CFAP92: variants seen among roughly 807,000 people sequenced by gnomAD.
CFAP92 encodes cilia and flagella associated protein 92 (putative).
A neutral mutation model predicts 106.3 loss-of-function variants in CFAP92; 86 were observed. The observed-to-expected ratio is 0.81, with a 90% CI of 0.68 to 0.97. The LOEUF (loss-of-function observed/expected upper bound fraction) is 0.97. CFAP92 is among the 50% of genes least tolerant of loss of function. The pLI is 0.00. For missense variants in CFAP92, 1,204 were observed against 1,283.8 expected, an observed-to-expected ratio of 0.94 and a Z score of 0.95; for synonymous variants, 477 against 506.4, an observed-to-expected ratio of 0.94 and a Z score of 0.78.
intron 8 of CFAP92, chr3:128,968,291 C>T (rs1942532133): frequency 6.6e-6 from 1 of 152,166 alleles, no homozygotes; most frequent in Admixed American, 6.5e-5. Flanking sequence ...CATTCCCAGA[C>T]ACAGAATCTT....
the CFAP92 span, among the ~76,000 whole-genome samples, chr3:129,024,594 G>A: frequency 2.0e-5 from 3 of 152,146 alleles, no homozygotes; most frequent in African/African-American, 7.2e-5. Context: ...CTGGAGGCTG[G>A]GAAGTAAAGG....
intron 4 of CFAP92, among the ~76,000 whole-genome samples, chr3:128,985,935 G>A (rs955334831): frequency 3.3e-5 from 5 of 152,182 alleles, no homozygotes; most frequent in Non-Finnish European, 5.9e-5. Context: ...CAGCTAGTGG[G>A]TAGAGGCCAG....
At chr3:128,916,013 A>C in intron 13 of CFAP92, 94 bp downstream of exon 13, 1 of 881,118 alleles carries the variant, frequency 1.1e-6, no homozygotes, top group Non-Finnish European at 1.5e-6. Context: ...TCATCTGTAT[A>C]GTTGAGATCC....
In CFAP92 at chr3:128,910,097, T is replaced by TGTCGCGGGCCAGCCGCTCC. The variant is rs755346624; in HGVS notation, c.*183_*201dup. On this transcript the variant is annotated 3_prime_UTR_variant, in exon 16 of 16. Coordinates refer to ENST00000645291, the MANE Select transcript of CFAP92 (RefSeq NM_001394090.1). ...AACCTGTATGGCATGACGGCCGTGC[T>TGTCGCGGGCCAGCCGCTCC]GTCGCGGGCCAGCCGCTCCATCCGC... 9 of 1,613,866 alleles carry TGTCGCGGGCCAGCCGCTCC rather than the reference T, an allele frequency of 5.6e-6. No individual in the cohort carries two copies. The South Asian group carries it at 9.9e-5, about 18-fold the overall frequency.
chr3:128,959,265 T>G (rs1941681876), intron 9 of CFAP92, among the ~76,000 whole-genome samples: 1 of 152,018 alleles, frequency 6.6e-6, no homozygotes, highest in Non-Finnish European at 1.5e-5. Flanking sequence ...TATAAGCATT[T>G]GGAGAAACAA....
At chr3:128,912,158 A>AC (rs755795131) in intron 15 of CFAP92, among the ~76,000 whole-genome samples, 27 of 151,334 alleles carry the variant, frequency 1.8e-4, no homozygotes, top group East Asian at 9.8e-4. Context: ...TAGCCCAGAC[A>AC]CCCCCCCAGT....
intron 11 of CFAP92, among the ~76,000 whole-genome samples, chr3:128,934,876 G>A (rs577234518): frequency 1.3e-5 from 2 of 152,088 alleles, no homozygotes; most frequent in Admixed American, 6.6e-5. Context: ...ATGAGGTCTC[G>A]CTCTGTTGCC....
the CFAP92 span, among the ~76,000 whole-genome samples, chr3:129,019,764 C>CTTTTTTTT: frequency 4.7e-5 from 5 of 107,420 alleles, no homozygotes; most frequent in Non-Finnish European, 7.6e-5. Context: ...ATTAAATTTA[C>CTTTTTTTT]TTTTTTTTTT....
chr3:128,979,947 A>ATATATATATATATATATATATATAT (rs1553758975), intron 4 of CFAP92, among the ~76,000 whole-genome samples: 3 of 128,302 alleles, frequency 2.3e-5, no homozygotes, highest in African/African-American at 9.0e-5. Context: ...AAAGTATAAT[A>ATATATATATATATATATATATATAT]ATATATATAT....
intron 10 of CFAP92, among the ~76,000 whole-genome samples, chr3:128,941,098 T>G (rs778699821): frequency 9.9e-5 from 15 of 152,196 alleles, no homozygotes; most frequent in Non-Finnish European, 2.2e-4. Context: ...TTCCTGAAGT[T>G]CTATAATATT....
chr3:129,022,250 TCC>T, the CFAP92 span, among the ~76,000 whole-genome samples: 7 of 152,036 alleles, frequency 4.6e-5, no homozygotes, highest in East Asian at 1.3e-3. Context: ...TAGCACAGAG[TCC>T]CCAGCAGTGT....
At chr3:128,977,565 GAA>G (rs1943237337) in intron 5 of CFAP92, among the ~76,000 whole-genome samples, 1 of 152,128 alleles carries the variant, frequency 6.6e-6, no homozygotes, top group South Asian at 2.1e-4. Flanking sequence ...TCCACAGTCA[GAA>G]AAGTTTTTCG....
intron 9 of CFAP92, among the ~76,000 whole-genome samples, chr3:128,946,186 T>C (rs1022185227): frequency 1.3e-5 from 2 of 152,208 alleles, no homozygotes; most frequent in Admixed American, 6.5e-5. Flanking sequence ...GGATGGCGAC[T>C]GGCATGAAAC....
At chr3:128,935,857 T>C (rs1365579545) in intron 10 of CFAP92, among the ~76,000 whole-genome samples, 2 of 152,072 alleles carry the variant, frequency 1.3e-5, no homozygotes, top group African/African-American at 4.8e-5. Flanking sequence ...AAGACTATAC[T>C]AAGATAAAAA....
At chr3:128,953,567 GTCTCCCTCTCCCTCTCCC>G (rs1197869555) in intron 9 of CFAP92, among the ~76,000 whole-genome samples, 6 of 121,826 alleles carry the variant, frequency 4.9e-5, no homozygotes, top group Non-Finnish European at 8.5e-5. Flanking sequence ...CAGCAACACG[GTCTCCCTCTCCCTCTCCC>G]TCTCCCTCTC....
upstream of CFAP92, among the ~76,000 whole-genome samples, chr3:128,996,824 C>T (rs1181807150): frequency 2.6e-5 from 4 of 152,232 alleles, no homozygotes; most frequent in African/African-American, 9.7e-5. Context: ...GCTGGCTCTT[C>T]GTGGGCCCGC....
At chr3:128,990,648 C>T (rs929353317) in intron 2 of CFAP92, among the ~76,000 whole-genome samples, 4 of 152,114 alleles carry the variant, frequency 2.6e-5, no homozygotes, top group African/African-American at 7.2e-5. Context: ...GTAATTCCAG[C>T]GTTTTGGAAA....
At chr3:128,929,516 ATAATAG>A (rs1938098055) in intron 12 of CFAP92, among the ~76,000 whole-genome samples, 1 of 152,246 alleles carries the variant, frequency 6.6e-6, no homozygotes, top group Non-Finnish European at 1.5e-5. Flanking sequence ...CAAGCAAGAA[ATAATAG>A]TAATTCCAAA....
intron 7 of CFAP92, among the ~76,000 whole-genome samples, chr3:128,972,608 C>A (rs1942882500): frequency 6.6e-6 from 1 of 151,320 alleles, no homozygotes. Flanking sequence ...GTAAACCTGG[C>A]ACTTTGGGAG....
Sources: gnomAD v4.1 joint callset for allele counts (sites outside exome capture counted in the v4.1 genomes callset) on GRCh38, gnomAD v4.1.1 for gene constraint, MANE v1.5 for transcripts, NCBI Gene and HGNC (gene_info 2026-07-23, HGNC 2026-07-21) for gene names.